The following USP38 variants were observed in gnomAD, a reference collection of about 807,000 sequenced individuals.
The protein encoded by USP38 is ubiquitin specific peptidase 38, also known as ubiquitin carboxyl-terminal hydrolase 38.
USP38 carries 49 observed loss-of-function variants against 94.3 expected under a neutral mutation model. The ratio of observed to expected loss-of-function variants is 0.52; its 90% CI spans 0.41 to 0.66. USP38 has a LOEUF of 0.66. USP38 is among the 30% of genes least tolerant of loss of function. The pLI is 0.00. For synonymous variants in USP38, 468 were observed against 463.6 expected (o/e 1.01, Z -0.12); for missense variants, 1,128 against 1,229.4 (o/e 0.92, Z 1.23).
At chr4:143,215,499 A>G (rs1732161109) in intron 9 of USP38, 1 of 152,242 alleles carries the variant, frequency 6.6e-6, no homozygotes, top group African/African-American at 2.4e-5. Flanking sequence ...AAATTTATTC[A>G]TAAATATACT....
chr4:143,207,666 A>AT (rs34751631), intron 6 of USP38, among the ~76,000 whole-genome samples: 25 of 148,092 alleles, frequency 1.7e-4, no homozygotes, highest in Non-Finnish European at 2.8e-4. Context: ...TGTATTTGGA[A>AT]TTTTTTTTTT....
intron 4 of USP38, among the ~76,000 whole-genome samples, chr4:143,200,767 C>G (rs189620390): frequency 6.6e-6 from 1 of 152,200 alleles, no homozygotes; most frequent in Non-Finnish European, 1.5e-5. Flanking sequence ...GGAAGGCGAT[C>G]CCATTCACAA....
intron 4 of USP38, among the ~76,000 whole-genome samples, chr4:143,199,670 C>A (rs1262886507): frequency 1.3e-5 from 2 of 152,020 alleles, no homozygotes; most frequent in East Asian, 3.9e-4. Flanking sequence ...TTAATGATAG[C>A]CATTCTGACT....
chr4:143,202,476 A>T (rs1203047848), intron 4 of USP38, among the ~76,000 whole-genome samples: 1 of 152,278 alleles, frequency 6.6e-6, no homozygotes, highest in South Asian at 2.1e-4. Context: ...CTACAAATAG[A>T]ACAGAAGATA....
chr4:143,185,306 C>A lies in USP38; in HGVS notation c.-145C>A. ...GGGTCTCCCTGCGCCATAAATGTGG[C>A]TGCTGAGGCGGCGGTGGCCGTGGCC... On this transcript the variant is annotated 5_prime_UTR_variant, in exon 1 of 10. In the 5' UTR this introduces an upstream ATG that the reference lacks. Transcript: ENST00000307017. 1 of 873,600 alleles carries A rather than the reference C, an allele frequency of 1.1e-6. No homozygotes were observed. The highest frequency in any genetic ancestry group is 2.7e-5 in the East Asian group (1 of 37,234). The allele number at this position is 873,600 out of a possible 1,614,324, so 54.1% of individuals were successfully genotyped here.
rs1732332633 is a variant in USP38 at position 143,221,882 on chromosome 4, C to G, written c.*1426C>G. ...TATTCCATTACCTCCCATTCCTAAC[C>G]TGTTTCCAATCACCAGGAAGATTAG... is the stretch of plus-strand genomic sequence containing the variant. On this transcript the variant is annotated 3_prime_UTR_variant, in exon 10 of 10. Transcript: ENST00000307017. 6.6e-6 allele frequency: 1 copy of G among 152,068 alleles called. No homozygotes were observed. The highest frequency in any genetic ancestry group is 1.5e-5 in the Non-Finnish European group (1 of 67,956). 9.4% of individuals were successfully genotyped at this position (152,068 alleles called of 1,614,324 possible). A position where few individuals can be genotyped will look rare whatever the true frequency, so the allele number is the denominator to read the frequency against.
chr4:143,185,855 G>T lies in USP38; in HGVS notation c.405G>T (p.Val135=). Residue 135 remains valine (V), a synonymous_variant, in exon 1 of 10, where the codon GTG becomes GTT. Coordinates refer to ENST00000307017, the MANE Select transcript of USP38 (RefSeq NM_032557.6). Reference sequence around the variant, plus strand: ...TGCAGGTAGAGGTGTTACGGATGGTGTGTGAGAGGCCGGAGCCGCAGCTCT... The same window carrying T: ...TGCAGGTAGAGGTGTTACGGATGGTTTGTGAGAGGCCGGAGCCGCAGCTCT... ...SLLQVEVLRM[V]CERPEPQLCA... The T allele has an allele frequency of 6.2e-7, 1 of 1,614,220 alleles. No individual in the cohort carries two copies. Among genetic ancestry groups the T allele is most frequent in the South Asian group, 1.1e-5 (1 of 91,088 alleles).
Position 143,220,214 on chromosome 4 carries a change from G to C in USP38, c.2968-81G>C, listed in dbSNP as rs2149614851. 15 of 1,381,604 alleles carry C rather than the reference G, an allele frequency of 1.1e-5. No individual in the cohort carries two copies. In the South Asian group the frequency reaches 2.3e-4, roughly 22 times the overall value. 85.6% of individuals were successfully genotyped at this position (1,381,604 alleles called of 1,614,324 possible). A position where few individuals can be genotyped will look rare whatever the true frequency, so the allele number is the denominator to read the frequency against. On this transcript the variant is annotated intron_variant, in intron 9 of 9. Coordinates refer to ENST00000307017, the MANE Select transcript of USP38 (RefSeq NM_032557.6). ...AAGAATGTTTATAAGGATTAAGGTA[G>C]TTTTAAAATATTTCTATAGGTGATA...
chr4:143,196,264 C>T (rs900701766), intron 3 of USP38, among the ~76,000 whole-genome samples: 1 of 152,154 alleles, frequency 6.6e-6, no homozygotes, highest in Non-Finnish European at 1.5e-5. Flanking sequence ...CAAGATAGCA[C>T]CACTGCACTC....
chr4:143,186,119 C>T lies in USP38; in HGVS notation c.669C>T (p.Ser223=), dbSNP rs377080384. The T allele has an allele frequency of 5.6e-6, 9 of 1,613,848 alleles. No homozygotes were observed. Among genetic ancestry groups the T allele is most frequent in the Non-Finnish European group, 7.6e-6 (9 of 1,179,924 alleles). Residue 223 remains serine (S), a synonymous_variant, in exon 1 of 10, where the codon AGC becomes AGT. Transcript: ENST00000307017. ...CTTCCCTGCAAGAAGTTTTTGCAAG[C>T]ATCTCTTCCACAGGTAAGGGTCATT... ...LLPSLQEVFA[S]ISSTDASFEP...
At chr4:143,197,372 C>G (rs1170645999) in intron 3 of USP38, among the ~76,000 whole-genome samples, 1 of 152,208 alleles carries the variant, frequency 6.6e-6, no homozygotes, top group Admixed American at 6.5e-5. Context: ...CTTAATAACA[C>G]TAACCACCAT....
At position 143,185,573 on chromosome 4, in the gene USP38, G is replaced by A. The variant is rs1561234953; in HGVS notation, c.123G>A (p.Met41Ile). Reference sequence around the variant, plus strand: ...TAGACGAGGCGCAGTGCGAGGCCATGTTTGACCTGACGACCCGGCTCATCC... The same window carrying A: ...TAGACGAGGCGCAGTGCGAGGCCATATTTGACCTGACGACCCGGCTCATCC... Reference protein sequence around the residue: ...HWLDEAQCEAMFDLTTRLILE... With the variant: ...HWLDEAQCEAIFDLTTRLILE... The change falls in exon 1 of 10, where the codon ATG becomes ATA. Residue 41 changes from methionine to isoleucine, a missense_variant. Coordinates refer to ENST00000307017, the MANE Select transcript of USP38 (RefSeq NM_032557.6). 1.2e-6 allele frequency: 2 copies of A among 1,614,192 alleles called. No individual in the cohort carries two copies. The highest frequency in any genetic ancestry group is 1.7e-6 in the Non-Finnish European group (2 of 1,180,046).
intron 5 of USP38, among the ~76,000 whole-genome samples, chr4:143,204,814 T>C (rs72939560): frequency 0.013 from 2,027 of 152,308 alleles, 47 homozygotes; most frequent in African/African-American, 0.046. Context: ...TCAGAAATTA[T>C]TAGAAATCAA....
rs1731182528 is a variant in USP38, at chr4:143,185,389, C to T, written c.-62C>T. On this transcript the variant is annotated 5_prime_UTR_variant, in exon 1 of 10. Transcript: ENST00000307017. The stretch of plus-strand genomic sequence containing the variant: ...TCTCCGCCCCGGGGCTCTCCTGCCC[C>T]ACCTCGGGGCTGCCGCCACCCGCTC... The T allele has an allele frequency of 1.3e-6, 2 of 1,507,614 alleles. No individual in the cohort carries two copies. Among genetic ancestry groups the T allele is most frequent in the Non-Finnish European group, 1.8e-6 (2 of 1,127,872 alleles). The allele number at this position is 1,507,614 out of a possible 1,614,324, so 93.4% of individuals were successfully genotyped here.
At chr4:143,201,915 CTTAT>C (rs2149608165) in intron 4 of USP38, among the ~76,000 whole-genome samples, 1 of 152,164 alleles carries the variant, frequency 6.6e-6, no homozygotes, top group East Asian at 1.9e-4. Flanking sequence ...AAGACTAAGT[CTTAT>C]TTCCATGTCG....
rs144344900 is a variant in USP38 at position 143,195,773 on chromosome 4, A to G, written c.876A>G (p.Ala292=). 1.3e-4 allele frequency: 216 copies of G among 1,613,608 alleles called. No individual in the cohort carries two copies. The East Asian group carries it at 3.8e-3, about 29-fold the overall frequency. Residue 292 remains alanine, a synonymous_variant, in exon 3 of 10, where the codon GCA becomes GCG. Transcript: ENST00000307017. ...AGCATGTGGATACATGGGTAATTGC[A>G]CTCCTGAAAGGACTGGCAGCTGTCC... ...LAQHVDTWVI[A]LLKGLAAVQK...
intron 7 of USP38, among the ~76,000 whole-genome samples, chr4:143,211,550 A>C (rs1732024780): frequency 6.6e-6 from 1 of 152,188 alleles, no homozygotes; most frequent in African/African-American, 2.4e-5. Flanking sequence ...TCAGAATGCT[A>C]TAAACACCCT....
chr4:143,185,369 G>T lies in USP38; in HGVS notation c.-82G>T. 2 of 1,454,388 alleles carry T rather than the reference G, an allele frequency of 1.4e-6. No homozygotes were observed. The highest frequency in any genetic ancestry group is 1.4e-5 in the South Asian group (1 of 72,116). The allele number at this position is 1,454,388 out of a possible 1,614,324, so 90.1% of individuals were successfully genotyped here. On this transcript the variant is annotated 5_prime_UTR_variant, in exon 1 of 10. Transcript: ENST00000307017. ...GCTGCGGCGCTCCAAGTTCATCTCC[G>T]CCCCGGGGCTCTCCTGCCCCACCTC...
chr4:143,187,760 T>G, intron 1 of USP38, 66 bp from the exon 2 acceptor site: 8 of 1,484,248 alleles, frequency 5.4e-6, no homozygotes, highest in Admixed American at 2.4e-5. Context: ...TTTTGTAAAG[T>G]GTTGTTCTTT....
Sources: gnomAD v4.1 joint callset for allele counts (sites outside exome capture counted in the v4.1 genomes callset) on GRCh38, gnomAD v4.1.1 for gene constraint, MANE v1.5 for transcripts, NCBI Gene and HGNC (gene_info 2026-07-23, HGNC 2026-07-21) for gene names.